KCNG3: variants seen among roughly 807,000 people sequenced by gnomAD.
KCNG3 encodes voltage-gated potassium channel regulatory subunit KCNG3.
Under a neutral mutation model 29.0 loss-of-function variants are expected in KCNG3, and 15 were observed. The observed-to-expected ratio is 0.52, with a 90% CI of 0.35 to 0.80. The LOEUF (loss-of-function observed/expected upper bound fraction) is 0.80. KCNG3 is among the 30% of genes least tolerant of loss of function. The pLI is 0.01. For synonymous variants in KCNG3, 322 were observed against 248.9 expected (o/e 1.29, Z -2.76); for missense variants, 512 against 605.7 (o/e 0.85, Z 1.62).
At chr2:42,476,709 C>G (rs982645448) in intron 1 of KCNG3, among the ~76,000 whole-genome samples, 1 of 149,030 alleles carries the variant, frequency 6.7e-6, no homozygotes, top group Non-Finnish European at 1.5e-5. Flanking sequence ...AGGCTGGTCT[C>G]GAACTCCTGG....
At chr2:42,450,622 C>T (rs1160878570) in intron 1 of KCNG3, among the ~76,000 whole-genome samples, 2 of 152,292 alleles carry the variant, frequency 1.3e-5, no homozygotes, top group South Asian at 4.1e-4. Flanking sequence ...GAATGTATGC[C>T]TAATAAAAAT....
At chr2:42,421,839 A>T in the KCNG3 span, among the ~76,000 whole-genome samples, 94,435 of 152,078 alleles carry the variant, frequency 0.62, 29,807 homozygotes, top group East Asian at 0.77. Flanking sequence ...CACACAGTGG[A>T]CAAATGCTTT....
intron 1 of KCNG3, among the ~76,000 whole-genome samples, chr2:42,489,198 C>T (rs963333266): frequency 1.3e-5 from 2 of 151,874 alleles, no homozygotes; most frequent in African/African-American, 2.4e-5. Flanking sequence ...TGAGCCACCA[C>T]GCCTGGCCTG....
At chr2:42,429,193 G>C in the KCNG3 span, among the ~76,000 whole-genome samples, 1 of 152,048 alleles carries the variant, frequency 6.6e-6, no homozygotes, top group Non-Finnish European at 1.5e-5. Flanking sequence ...ATCTCACAGA[G>C]TTGCTCCTTT....
chr2:42,414,878 T>C, the KCNG3 span, among the ~76,000 whole-genome samples: 1 of 152,254 alleles, frequency 6.6e-6, no homozygotes, highest in Non-Finnish European at 1.5e-5. Flanking sequence ...CACATCTACC[T>C]GTTCTTGTTT....
chr2:42,458,802 G>A (rs201710276), intron 1 of KCNG3, among the ~76,000 whole-genome samples: 142 of 148,558 alleles, frequency 9.6e-4, no homozygotes, highest in African/African-American at 1.2e-3. Flanking sequence ...ACTTAAAAAA[G>A]AAAAAAAAAA....
At chr2:42,394,903 C>T in the KCNG3 span, among the ~76,000 whole-genome samples, 1 of 152,178 alleles carries the variant, frequency 6.6e-6, no homozygotes, top group Admixed American at 6.5e-5. Flanking sequence ...ACTTTCTAGT[C>T]TCAGACCACT....
Position 42,482,523 on chromosome 2 carries a change from G to A in KCNG3, c.665+10314C>T, listed in dbSNP as rs377732383. Among the ~76,000 whole-genome samples, 8 of 152,254 alleles carry A rather than the reference G, an allele frequency of 5.3e-5. No individual in the cohort carries two copies. The East Asian group carries it at 5.8e-4, about 11-fold the overall frequency. On this transcript the variant is annotated intron_variant, in intron 1 of 1. Coordinates refer to ENST00000306078, the MANE Select transcript of KCNG3 (RefSeq NM_133329.6). ...GTGGATCACAAGGTCAGGAGTTCAA[G>A]ACCAGCCTAGCCAACACGGTGAAAC...
intron 1 of KCNG3, among the ~76,000 whole-genome samples, chr2:42,448,603 C>T (rs1672663392): frequency 6.6e-6 from 1 of 152,030 alleles, no homozygotes; most frequent in Non-Finnish European, 1.5e-5. Flanking sequence ...ACAGTTGACC[C>T]CTGAATAACA....
downstream of KCNG3, among the ~76,000 whole-genome samples, chr2:42,441,034 G>C (rs548559866): frequency 4.6e-5 from 7 of 152,260 alleles, no homozygotes; most frequent in Middle Eastern, 3.4e-3. Context: ...TGAGTTATAA[G>C]AGATGTCTGT....
At chr2:42,464,311 C>T (rs1189294079) in intron 1 of KCNG3, among the ~76,000 whole-genome samples, 2 of 152,174 alleles carry the variant, frequency 1.3e-5, no homozygotes, top group Non-Finnish European at 2.9e-5. Context: ...AAGTGATCCA[C>T]CTGCCTTGGC....
downstream of KCNG3, among the ~76,000 whole-genome samples, chr2:42,440,179 A>G (rs1672442764): frequency 6.6e-6 from 1 of 152,044 alleles, no homozygotes; most frequent in African/African-American, 2.4e-5. Context: ...GGTTTCCACA[A>G]CCCCTAGTTC....
chr2:42,471,900 A>AG (rs1047403886), intron 1 of KCNG3, among the ~76,000 whole-genome samples: 23 of 151,732 alleles, frequency 1.5e-4, no homozygotes, highest in Admixed American at 6.6e-5. Context: ...AAAAAAAAAA[A>AG]AAAGAAAGAA....
the KCNG3 span, among the ~76,000 whole-genome samples, chr2:42,411,594 T>C: frequency 3.3e-5 from 5 of 152,158 alleles, no homozygotes. Flanking sequence ...GCAATTCTCA[T>C]GCCTCAGCCT....
At chr2:42,421,879 A>C in the KCNG3 span, among the ~76,000 whole-genome samples, 1 of 152,220 alleles carries the variant, frequency 6.6e-6, no homozygotes, top group African/African-American at 2.4e-5. Context: ...TCCTCTTTAA[A>C]CTACCAATCC....
At chr2:42,477,424 TA>T (rs1673464629) in intron 1 of KCNG3, among the ~76,000 whole-genome samples, 5 of 43,018 alleles carry the variant, frequency 1.2e-4, no homozygotes, top group African/African-American at 1.6e-4. Context: ...CACACACACA[TA>T]TATTTTTTTT....
At chr2:42,459,110 C>T (rs934423042) in intron 1 of KCNG3, among the ~76,000 whole-genome samples, 3 of 151,504 alleles carry the variant, frequency 2.0e-5, no homozygotes, top group African/African-American at 4.9e-5. Context: ...GCAGGAGAAT[C>T]GCTTGAACCC....
At chr2:42,445,720 AG>A (rs1672581746) in intron 1 of KCNG3, among the ~76,000 whole-genome samples, 1 of 124,480 alleles carries the variant, frequency 8.0e-6, no homozygotes, top group African/African-American at 2.7e-5. Context: ...ACTGCAGTCA[AG>A]GGATAGGATT....
At chr2:42,446,812 C>T (rs1672608370) in intron 1 of KCNG3, among the ~76,000 whole-genome samples, 2 of 152,004 alleles carry the variant, frequency 1.3e-5, no homozygotes, top group Admixed American at 1.3e-4. Context: ...ATTCACATGG[C>T]TTAAATCACA....
Sources: allele counts gnomAD v4.1 joint callset (sites outside exome capture counted in the v4.1 genomes callset), GRCh38; gene constraint gnomAD v4.1.1; transcripts MANE v1.5; gene names NCBI Gene and HGNC (gene_info 2026-07-23, HGNC 2026-07-21).